Variants in JAM3 observed in about 807,000 individuals in gnomAD.
The protein encoded by JAM3 is junctional adhesion molecule 3.
In JAM3, 31 loss-of-function variants were observed where a neutral mutation model predicts 39.4. The ratio of observed to expected loss-of-function variants is 0.79; its 90% CI spans 0.59 to 1.06. JAM3 has a LOEUF of 1.06. JAM3 is among the 50% of genes least tolerant of loss of function. The probability of loss-of-function intolerance (pLI) is 0.00; values close to 1 mark genes in which losing one functional copy is unlikely to be tolerated. For synonymous variants in JAM3, 182 were observed against 148.7 expected, an observed-to-expected ratio of 1.22 and a Z score of -1.63; for missense variants, 455 against 391.4, an observed-to-expected ratio of 1.16 and a Z score of -1.37.
chr11:134,105,810 C>A (rs1312794013), intron 1 of JAM3, among the ~76,000 whole-genome samples: 2 of 152,130 alleles, frequency 1.3e-5, no homozygotes. Flanking sequence ...AGGACCTCTT[C>A]AAGGAGAACT....
chr11:134,116,280 G>A lies in JAM3; in HGVS notation c.77-23571G>A, dbSNP rs140803936. On this transcript the variant is annotated intron_variant, in intron 1 of 8. Transcript: ENST00000299106. ...TCATGAATATTGGCAGTCATTAGTG[G>A]ATGTTCCCTATAGCAGTTATTACTA... 8.0e-3 allele frequency among the ~76,000 whole-genome samples: 1,223 copies of A among 152,226 alleles called. 11 individuals carry two copies. The highest frequency in any genetic ancestry group is 0.028 in the African/African-American group (1,147 of 41,518).
At chr11:134,141,045 A>G (rs2120858580) in intron 3 of JAM3, among the ~76,000 whole-genome samples, 1 of 152,248 alleles carries the variant, frequency 6.6e-6, no homozygotes, top group South Asian at 2.1e-4. Context: ...TTCTTTGGGG[A>G]ATCAAAGTGA....
At chr11:134,107,557 G>C (rs1942219385) in intron 1 of JAM3, among the ~76,000 whole-genome samples, 1 of 152,006 alleles carries the variant, frequency 6.6e-6, no homozygotes, top group African/African-American at 2.4e-5. Context: ...ATTAAGACTA[G>C]GCCACTAAAG....
chr11:134,149,108 G>A, intron 8 of JAM3, 38 bp from the exon 9 acceptor site: 1 of 1,613,458 alleles, frequency 6.2e-7, no homozygotes, highest in South Asian at 1.1e-5. Context: ...CTTGCCACCA[G>A]GCCCCTTGAT....
Position 134,140,786 on chromosome 11 carries a change from C to A in JAM3, c.256+16C>A. On this transcript the variant is annotated intron_variant, in intron 3 of 8. Coordinates refer to ENST00000299106, the MANE Select transcript of JAM3 (RefSeq NM_032801.5). ...AAAATTCAGGGTATGATCCTGTAGT[C>A]CTCTTGCCTGCTGACCTTTCCTCTG... is the stretch of plus-strand genomic sequence containing the variant. 6.2e-7 allele frequency: 1 copy of A among 1,606,034 alleles called. No individual in the cohort carries two copies. The highest frequency in any genetic ancestry group is 1.1e-5 in the South Asian group (1 of 89,726).
At chr11:134,110,861 TG>T (rs1360737833) in intron 1 of JAM3, among the ~76,000 whole-genome samples, 2 of 151,920 alleles carry the variant, frequency 1.3e-5, no homozygotes, top group Non-Finnish European at 2.9e-5. Flanking sequence ...ATACCTTGAT[TG>T]TTTTTTTAAA....
At chr11:134,070,495 G>T (rs1373677079) in intron 1 of JAM3, among the ~76,000 whole-genome samples, 2 of 152,186 alleles carry the variant, frequency 1.3e-5, no homozygotes, top group African/African-American at 4.8e-5. Flanking sequence ...GAGTTTTAGC[G>T]TATAGATTAT....
chr11:134,143,004 C>T (rs1943003892), intron 3 of JAM3, among the ~76,000 whole-genome samples: 1 of 152,104 alleles, frequency 6.6e-6, no homozygotes, highest in African/African-American at 2.4e-5. Flanking sequence ...TATTGATGGA[C>T]ATTTGGGTTG....
At chr11:134,148,741 A>G in intron 7 of JAM3, 23 bp from the exon 8 acceptor site, 1 of 1,614,184 alleles carries the variant, frequency 6.2e-7, no homozygotes, top group South Asian at 1.1e-5. Flanking sequence ...CCCTGTTGCT[A>G]AACTGCTCTC....
intron 1 of JAM3, among the ~76,000 whole-genome samples, chr11:134,094,032 C>G (rs1204114930): frequency 4.4e-5 from 5 of 114,518 alleles, no homozygotes; most frequent in African/African-American, 1.3e-4. Flanking sequence ...CCTTACATGT[C>G]ACTTCCTGAG....
At chr11:134,094,876 G>T (rs765634357) in intron 1 of JAM3, among the ~76,000 whole-genome samples, 10 of 152,212 alleles carry the variant, frequency 6.6e-5, no homozygotes, top group Non-Finnish European at 1.3e-4. Context: ...AATATAGTAC[G>T]TGCTAGATGC....
At chr11:134,143,365 T>C (rs1943009534) in intron 3 of JAM3, among the ~76,000 whole-genome samples, 1 of 152,214 alleles carries the variant, frequency 6.6e-6, no homozygotes, top group African/African-American at 2.4e-5. Flanking sequence ...GTATTTTCTT[T>C]GGAGAAATGT....
At chr11:134,124,220 C>T (rs1942594366) in intron 1 of JAM3, 2 of 1,366,994 alleles carry the variant, frequency 1.5e-6, no homozygotes, top group South Asian at 2.3e-5. Flanking sequence ...TCACTCCATA[C>T]TTCTTAAGTT....
intron 1 of JAM3, among the ~76,000 whole-genome samples, chr11:134,079,417 C>T (rs1941627677): frequency 6.6e-6 from 1 of 152,122 alleles, no homozygotes; most frequent in Non-Finnish European, 1.5e-5. Context: ...CCGTTCTCCA[C>T]AGGATGAAGT....
chr11:134,123,308 C>T (rs937634489), intron 1 of JAM3, among the ~76,000 whole-genome samples: 23 of 152,018 alleles, frequency 1.5e-4, no homozygotes, highest in African/African-American at 5.1e-4. Context: ...TCTATTCCAT[C>T]TACAACTTGC....
chr11:134,080,066 A>G (rs1261411048), intron 1 of JAM3, among the ~76,000 whole-genome samples: 1 of 152,118 alleles, frequency 6.6e-6, no homozygotes, highest in Admixed American at 6.5e-5. Context: ...TTTGTTTACC[A>G]TGAAGAAAAA....
chr11:134,149,063 TAGCCC>T lies in JAM3; in HGVS notation c.898-81_898-77del, dbSNP rs989387369. The T allele has an allele frequency of 8.9e-5, 132 of 1,486,150 alleles. No individual in the cohort carries two copies. The African/African-American group carries it at 1.8e-3, about 20-fold the overall frequency. 92.1% of individuals were successfully genotyped at this position (1,486,150 alleles called of 1,614,324 possible). A position where few individuals can be genotyped will look rare whatever the true frequency, so the allele number is the denominator to read the frequency against. Reference sequence around the variant, plus strand: ...TAAGAATGATTATTCCATCTGTATTTAGCCCATGTTAGACTTACTCCGTGTTTTTC... The same window carrying T: ...TAAGAATGATTATTCCATCTGTATTTATGTTAGACTTACTCCGTGTTTTTC... On this transcript the variant is annotated intron_variant, in intron 8 of 8. Coordinates refer to ENST00000299106, the MANE Select transcript of JAM3 (RefSeq NM_032801.5).
chr11:134,098,066 T>G (rs1194066048), intron 1 of JAM3, among the ~76,000 whole-genome samples: 5 of 152,126 alleles, frequency 3.3e-5, no homozygotes. Context: ...CCCCTAAAAA[T>G]GTGGATCAGA....
intron 1 of JAM3, among the ~76,000 whole-genome samples, chr11:134,110,720 A>G (rs572290091): frequency 8.6e-6 from 1 of 115,656 alleles, no homozygotes; most frequent in East Asian, 2.4e-4. Flanking sequence ...TAGGTCGGCT[A>G]GAAACCTGGG....
Sources: gnomAD v4.1 joint callset for allele counts (sites outside exome capture counted in the v4.1 genomes callset) on GRCh38, gnomAD v4.1.1 for gene constraint, MANE v1.5 for transcripts, NCBI Gene and HGNC (gene_info 2026-07-23, HGNC 2026-07-21) for gene names.